EPHA5: variants seen among roughly 807,000 people sequenced by gnomAD.
EPHA5 encodes the protein ephrin type-A receptor 5.
EPHA5 carries 60 observed loss-of-function variants against 105.0 expected under a neutral mutation model. The observed-to-expected ratio is 0.57, with a 90% CI of 0.46 to 0.71. The LOEUF is 0.71. EPHA5 is among the 30% of genes least tolerant of loss of function. The pLI is 0.00. For synonymous variants in EPHA5, 513 were observed against 449.1 expected (o/e 1.14, Z -1.80); for missense variants, 1,218 against 1,274.7 (o/e 0.96, Z 0.68).
chr4:65,405,747 G>A (rs1047577255), intron 7 of EPHA5, among the ~76,000 whole-genome samples: 3 of 151,970 alleles, frequency 2.0e-5, no homozygotes, highest in South Asian at 2.1e-4. Flanking sequence ...AGTCTCTGAC[G>A]CTAAGGTCTA....
rs570890223 is a variant in EPHA5, at chr4:65,358,614, GA to G, written c.2174-5512del. 6.6e-5 allele frequency among the ~76,000 whole-genome samples: 10 copies of G among 151,488 alleles called. No individual in the cohort carries two copies. The South Asian group carries it at 1.7e-3, about 25-fold the overall frequency. On this transcript the variant is annotated intron_variant, in intron 11 of 16. Transcript: ENST00000613740. ...GAATAGGTAATGCTTATTAAAAGGGGAAAAAACAAAACAACAAAGATAAAAA... is the reference window on the plus strand; with the variant it reads ...GAATAGGTAATGCTTATTAAAAGGGGAAAAACAAAACAACAAAGATAAAAA...
chr4:65,572,690 A>G (rs1235073617), intron 3 of EPHA5, among the ~76,000 whole-genome samples: 2 of 152,230 alleles, frequency 1.3e-5, no homozygotes, highest in East Asian at 3.8e-4. Context: ...TAGAAATAGA[A>G]AAAAACAAGA....
rs531914371 is a variant in EPHA5 at position 65,438,247 on chromosome 4, T to A, written c.1403-17682A>T. On this transcript the variant is annotated intron_variant, in intron 5 of 16. Coordinates refer to ENST00000613740, the MANE Select transcript of EPHA5 (RefSeq NM_001281766.3). ...CAAAATAATCATAACAATAACAAAA[T>A]GTTCAATTGAAGCCAAGATTATTGC... Among the ~76,000 whole-genome samples, 12 of 152,066 alleles carry A rather than the reference T, an allele frequency of 7.9e-5. No homozygotes were observed. In the South Asian group the frequency reaches 2.5e-3, roughly 32 times the overall value.
At chr4:65,327,348 T>C (rs935186929) in intron 16 of EPHA5, among the ~76,000 whole-genome samples, 1 of 151,240 alleles carries the variant, frequency 6.6e-6, no homozygotes, top group African/African-American at 2.4e-5. Flanking sequence ...TCCCTTGAGA[T>C]GAATGTCAAA....
At chr4:65,629,952 G>T (rs1208790667) in intron 2 of EPHA5, among the ~76,000 whole-genome samples, 1 of 152,150 alleles carries the variant, frequency 6.6e-6, no homozygotes, top group African/African-American at 2.4e-5. Flanking sequence ...CATGTGCTAA[G>T]TGAAGCAAAG....
rs373941729 is a variant in EPHA5, at chr4:65,567,968, T to C, written c.910+33673A>G. Among the ~76,000 whole-genome samples the C allele has an allele frequency of 2.0e-3, 299 of 151,580 alleles. 1 individual carries two copies. Among genetic ancestry groups the C allele is most frequent in the African/African-American group, 6.8e-3 (283 of 41,498 alleles). ...GGGGCAATAAATTATTGGCTACTTT[T>C]CATACTCAAAATGTTGGTGCAGAAA... On this transcript the variant is annotated intron_variant, in intron 3 of 16. Coordinates refer to ENST00000613740, the MANE Select transcript of EPHA5 (RefSeq NM_001281766.3).
chr4:65,617,953 A>G (rs1334565572), intron 2 of EPHA5, among the ~76,000 whole-genome samples: 1 of 152,212 alleles, frequency 6.6e-6, no homozygotes, highest in Non-Finnish European at 1.5e-5. Flanking sequence ...TCAGCTCTTC[A>G]TATAAATAAA....
intron 1 of EPHA5, among the ~76,000 whole-genome samples, chr4:65,654,971 G>T (rs1748931635): frequency 6.7e-6 from 1 of 149,202 alleles, no homozygotes; most frequent in Admixed American, 6.7e-5. Context: ...ATACCTTGAG[G>T]ATCAGTTTTT....
chr4:65,503,989 T>C (rs1732754840), intron 3 of EPHA5, among the ~76,000 whole-genome samples: 1 of 151,524 alleles, frequency 6.6e-6, no homozygotes, highest in African/African-American at 2.4e-5. Context: ...GGTATATGTA[T>C]ATGTTGTAAT....
At chr4:65,588,703 A>T (rs1415445223) in intron 3 of EPHA5, among the ~76,000 whole-genome samples, 1 of 152,110 alleles carries the variant, frequency 6.6e-6, no homozygotes, top group Admixed American at 6.5e-5. Context: ...GGTCTGGTTT[A>T]TTTCTCCTTT....
intron 8 of EPHA5, among the ~76,000 whole-genome samples, chr4:65,378,162 A>G (rs931285600): frequency 2.6e-5 from 4 of 151,952 alleles, no homozygotes; most frequent in African/African-American, 9.7e-5. Context: ...TTTCTTTTGT[A>G]GCACTGACAA....
At chr4:65,417,002 C>T (rs968737616) in intron 6 of EPHA5, among the ~76,000 whole-genome samples, 1 of 152,248 alleles carries the variant, frequency 6.6e-6, no homozygotes, top group Non-Finnish European at 1.5e-5. Context: ...CTTCGTGCCC[C>T]AGCTGAGCAA....
chr4:65,339,360 C>T (rs1721485359), intron 14 of EPHA5, among the ~76,000 whole-genome samples: 1 of 152,082 alleles, frequency 6.6e-6, no homozygotes, highest in Admixed American at 6.6e-5. Context: ...ATCACCCATC[C>T]AGAGTATGCC....
At chr4:65,387,190 A>C (rs1359288378) in intron 8 of EPHA5, among the ~76,000 whole-genome samples, 1 of 151,932 alleles carries the variant, frequency 6.6e-6, no homozygotes, top group Non-Finnish European at 1.5e-5. Context: ...TTTTCACCTT[A>C]GGACATTTGG....
rs2149571503 is a variant in EPHA5 at position 65,669,652 on chromosome 4, A to G, written c.91T>C (p.Cys31Arg). ...GGAGCCCGTCGAGGTGCAGAGTAGCAGCCGGCCAGGGACGCTGGGGTGATG... is the reference window on the plus strand; with the variant it reads ...GGAGCCCGTCGAGGTGCAGAGTAGCGGCCGGCCAGGGACGCTGGGGTGATG... ...TPITPASLAG[C>R]YSAPRRAPLW... Residue 31 changes from cysteine to arginine, a missense_variant, in exon 1 of 17, where the codon TGC becomes CGC. Cys to Arg is a radical substitution (Grantham distance 180). Coordinates refer to ENST00000613740, the MANE Select transcript of EPHA5 (RefSeq NM_001281766.3). 1 of 1,388,428 alleles carries G rather than the reference A, an allele frequency of 7.2e-7. No individual in the cohort carries two copies. The highest frequency in any genetic ancestry group is 9.4e-7 in the Non-Finnish European group (1 of 1,065,494). The allele number at this position is 1,388,428 out of a possible 1,614,324, so 86.0% of individuals were successfully genotyped here.
At chr4:65,617,351 G>A (rs938587950) in intron 2 of EPHA5, among the ~76,000 whole-genome samples, 7 of 151,864 alleles carry the variant, frequency 4.6e-5, no homozygotes, top group African/African-American at 7.3e-5. Context: ...TTGGTGTATC[G>A]CCCTCTCCAT....
chr4:65,648,915 G>A (rs912817925), intron 1 of EPHA5, among the ~76,000 whole-genome samples: 10 of 152,200 alleles, frequency 6.6e-5, no homozygotes, highest in Admixed American at 5.9e-4. Context: ...TTTACAAAAT[G>A]AGTGCAGAGA....
chr4:65,322,640 C>T lies in EPHA5; in HGVS notation c.*1474G>A, dbSNP rs968151154. 6.7e-5 allele frequency: 15 copies of T among 225,178 alleles called. No homozygotes were observed. The highest frequency in any genetic ancestry group is 1.3e-3 in the Middle Eastern group (1 of 752). 13.9% of individuals were successfully genotyped at this position (225,178 alleles called of 1,614,324 possible). A position where few individuals can be genotyped will look rare whatever the true frequency, so the allele number is the denominator to read the frequency against. ...CATCATGTGTGGTATATAGAGCATA[C>T]ATAGAAGATATGTTATATTCCTTAA... is the stretch of plus-strand genomic sequence containing the variant. On this transcript the variant is annotated 3_prime_UTR_variant, in exon 17 of 17. Transcript: ENST00000613740.
At position 65,414,387 on chromosome 4, in the gene EPHA5, C is replaced by T. The variant is rs142424482; in HGVS notation, c.1584G>A (p.Glu528=). 1.9e-6 allele frequency: 3 copies of T among 1,613,984 alleles called. No individual in the cohort carries two copies. The highest frequency in any genetic ancestry group is 2.5e-6 in the Non-Finnish European group (3 of 1,179,904). Residue 528 remains glutamate (E), a synonymous_variant, in exon 7 of 17, where the codon GAG becomes GAA. Coordinates refer to ENST00000613740, the MANE Select transcript of EPHA5 (RefSeq NM_001281766.3). ...IKSKETTITA[E]GLKPASVYVF... is the part of the protein sequence containing the mutation. ...CATAAACTGAAGCTGGTTTCAAGCC[C>T]TCTGCAGTAATAGTTGTCTCTTTAG...
Sources: gnomAD v4.1 joint callset for allele counts (sites outside exome capture counted in the v4.1 genomes callset) on GRCh38, gnomAD v4.1.1 for gene constraint, MANE v1.5 for transcripts, NCBI Gene and HGNC (gene_info 2026-07-23, HGNC 2026-07-21) for gene names.